Variants in XKR4 observed in about 807,000 individuals in gnomAD.
XKR4 encodes the protein XK related 4.
XKR4 carries 12 observed loss-of-function variants against 53.9 expected under a neutral mutation model. That is an observed-to-expected ratio of 0.22 (90% CI 0.14 to 0.36). The LOEUF (loss-of-function observed/expected upper bound fraction) is 0.36. Ranked by LOEUF, XKR4 falls within the 10% of genes least tolerant of loss-of-function variation. XKR4 has a pLI of 1.00. For missense variants in XKR4, 799 were observed against 859.5 expected (o/e 0.93, Z 0.88); for synonymous variants, 354 against 362.4 (o/e 0.98, Z 0.26).
intron 1 of XKR4, among the ~76,000 whole-genome samples, chr8:55,124,558 AT>A (rs1816435910): frequency 6.6e-6 from 1 of 152,188 alleles, no homozygotes; most frequent in African/African-American, 2.4e-5. Context: ...TTAAAGCTAC[AT>A]TTTTAAAATC....
At chr8:55,250,038 G>A (rs1818342766) in intron 1 of XKR4, among the ~76,000 whole-genome samples, 1 of 152,082 alleles carries the variant, frequency 6.6e-6, no homozygotes, top group Non-Finnish European at 1.5e-5. Flanking sequence ...AGGAAGTTGT[G>A]TCAGCCTTTT....
At chr8:55,323,702 T>C (rs1278044757) in intron 1 of XKR4, among the ~76,000 whole-genome samples, 4 of 152,220 alleles carry the variant, frequency 2.6e-5, no homozygotes, top group Non-Finnish European at 2.9e-5. Context: ...CCTGTGTAAA[T>C]ACCAAGAAGT....
At chr8:55,356,804 C>A (rs1206368761) in intron 1 of XKR4, among the ~76,000 whole-genome samples, 1 of 152,134 alleles carries the variant, frequency 6.6e-6, no homozygotes, top group Non-Finnish European at 1.5e-5. Context: ...TACTTACAGG[C>A]AAATTTTATT....
At chr8:55,394,450 A>G (rs929084475) in intron 2 of XKR4, among the ~76,000 whole-genome samples, 3 of 152,248 alleles carry the variant, frequency 2.0e-5, no homozygotes, top group African/African-American at 7.2e-5. Context: ...GAAAAATAAA[A>G]CTAAGCATTA....
chr8:55,378,118 G>C (rs1335360586), intron 2 of XKR4, among the ~76,000 whole-genome samples: 1 of 149,794 alleles, frequency 6.7e-6, no homozygotes, highest in Non-Finnish European at 1.5e-5. Flanking sequence ...ATCTGGTCTT[G>C]TTGTTATTTT....
chr8:55,316,601 T>TG (rs1819478576), intron 1 of XKR4, among the ~76,000 whole-genome samples: 1 of 152,182 alleles, frequency 6.6e-6, no homozygotes, highest in East Asian at 1.9e-4. Context: ...TGAGACTATG[T>TG]GATTGAGCTA....
At chr8:55,266,280 A>G (rs1229423852) in intron 1 of XKR4, among the ~76,000 whole-genome samples, 1 of 151,800 alleles carries the variant, frequency 6.6e-6, no homozygotes, top group Non-Finnish European at 1.5e-5. Flanking sequence ...TTCTAGGGGT[A>G]TGGAGCAACC....
chr8:55,116,412 GA>G (rs1563460136), intron 1 of XKR4, among the ~76,000 whole-genome samples: 1 of 152,116 alleles, frequency 6.6e-6, no homozygotes, highest in African/African-American at 2.4e-5. Context: ...TCCTCACAGT[GA>G]CCCCTGAGGC....
intron 1 of XKR4, among the ~76,000 whole-genome samples, chr8:55,103,902 C>T (rs1329409433): frequency 7.5e-6 from 1 of 133,260 alleles, no homozygotes; most frequent in African/African-American, 2.8e-5. Flanking sequence ...TATCCCCGAG[C>T]ATGATTCAGT....
intron 1 of XKR4, among the ~76,000 whole-genome samples, chr8:55,297,051 C>A (rs555166215): frequency 8.4e-4 from 128 of 152,180 alleles, no homozygotes; most frequent in African/African-American, 2.8e-3. Flanking sequence ...CAATAGAAAA[C>A]ACATTTCAAA....
intron 2 of XKR4, chr8:55,451,309 G>T: frequency 1.7e-6 from 1 of 599,636 alleles, no homozygotes. Context: ...GGATGCCGCC[G>T]CCATGGGGTT....
intron 1 of XKR4, among the ~76,000 whole-genome samples, chr8:55,295,180 C>A (rs1819084551): frequency 6.6e-6 from 1 of 152,174 alleles, no homozygotes; most frequent in African/African-American, 2.4e-5. Context: ...GAGTTCTCTT[C>A]CTCCATTGCT....
chr8:55,444,117 G>A (rs1048113278), intron 2 of XKR4, among the ~76,000 whole-genome samples: 27 of 152,188 alleles, frequency 1.8e-4, no homozygotes, highest in Non-Finnish European at 3.8e-4. Flanking sequence ...GTTGCAGGGA[G>A]CTGAGATAGC....
intron 1 of XKR4, among the ~76,000 whole-genome samples, chr8:55,321,208 C>A (rs921589100): frequency 3.3e-5 from 5 of 152,138 alleles, no homozygotes; most frequent in African/African-American, 1.2e-4. Flanking sequence ...GATTCGAGTT[C>A]TCTCTTCCAA....
chr8:55,321,439 C>T (rs1010360291), intron 1 of XKR4, among the ~76,000 whole-genome samples: 5 of 152,116 alleles, frequency 3.3e-5, no homozygotes, highest in Admixed American at 6.5e-5. Flanking sequence ...ACTACTTCAT[C>T]AAAACAAAGC....
chr8:55,108,093 G>C (rs1004110422), intron 1 of XKR4, among the ~76,000 whole-genome samples: 1 of 152,140 alleles, frequency 6.6e-6, no homozygotes, highest in Admixed American at 6.5e-5. Context: ...AGACTCTCTG[G>C]AAGAGGGGAT....
intron 2 of XKR4, among the ~76,000 whole-genome samples, chr8:55,463,323 A>G (rs560579117): frequency 3.0e-4 from 46 of 152,238 alleles, no homozygotes; most frequent in African/African-American, 1.1e-3. Flanking sequence ...TAAGAAACTC[A>G]CTCAAAACTG....
chr8:55,410,146 A>G (rs1804752853), intron 2 of XKR4, among the ~76,000 whole-genome samples: 1 of 151,280 alleles, frequency 6.6e-6, no homozygotes, highest in African/African-American at 2.4e-5. Flanking sequence ...TCTTTCCTGA[A>G]GCCCTCTCCT....
At chr8:55,420,528 C>A (rs539902529) in intron 2 of XKR4, among the ~76,000 whole-genome samples, 1 of 148,242 alleles carries the variant, frequency 6.7e-6, no homozygotes, top group South Asian at 2.1e-4. Flanking sequence ...AGTAAACTAT[C>A]GCAAGAACAA....
Sources: allele counts gnomAD v4.1 joint callset (sites outside exome capture counted in the v4.1 genomes callset), GRCh38; gene constraint gnomAD v4.1.1; transcripts MANE v1.5; gene names NCBI Gene and HGNC (gene_info 2026-07-23, HGNC 2026-07-21).